Variants in MLLT10 observed in about 807,000 individuals in gnomAD.
MLLT10 encodes protein AF-10.
Under a neutral mutation model 129.1 loss-of-function variants are expected in MLLT10, and 30 were observed. The observed-to-expected ratio is 0.23, with a 90% CI of 0.17 to 0.32. The LOEUF (loss-of-function observed/expected upper bound fraction) is 0.32, where lower values mean the gene tolerates loss of function less well. MLLT10 is among the 10% of genes least tolerant of loss of function. MLLT10 has a pLI of 1.00. For missense variants in MLLT10, 1,119 were observed against 1,268.3 expected (o/e 0.88, Z 1.79); for synonymous variants, 490 against 446.4 (o/e 1.10, Z -1.23).
At chr10:21,568,599 C>CT (rs1416731466) in intron 3 of MLLT10, among the ~76,000 whole-genome samples, 184 of 151,410 alleles carry the variant, frequency 1.2e-3, no homozygotes, top group Admixed American at 1.8e-3. Flanking sequence ...ATATTTTTGT[C>CT]TTTTTTTTTA....
intron 5 of MLLT10, among the ~76,000 whole-genome samples, chr10:21,600,830 C>G (rs556165249): frequency 1.3e-5 from 2 of 152,172 alleles, no homozygotes; most frequent in South Asian, 4.2e-4. Flanking sequence ...TCTCTCCAGC[C>G]CCCCTCTCCC....
At chr10:21,562,238 C>T (rs541756440) in intron 3 of MLLT10, among the ~76,000 whole-genome samples, 2 of 151,856 alleles carry the variant, frequency 1.3e-5, no homozygotes, top group East Asian at 1.9e-4. Flanking sequence ...AGTTTTAGAA[C>T]GTATTTTTTT....
chr10:21,579,373 C>G (rs1217362776), intron 3 of MLLT10, among the ~76,000 whole-genome samples: 2 of 151,956 alleles, frequency 1.3e-5, no homozygotes, highest in African/African-American at 4.8e-5. Context: ...TGTCTTTTTT[C>G]AAATTGAAGA....
intron 15 of MLLT10, 107 bp downstream of exon 15, chr10:21,726,462 G>C (rs941025144): frequency 2.8e-6 from 2 of 708,838 alleles, no homozygotes; most frequent in African/African-American, 1.8e-5. Context: ...GTGGTTAGTA[G>C]AGGATTTGTA....
At chr10:21,553,764 C>T (rs958178766) in intron 3 of MLLT10, among the ~76,000 whole-genome samples, 1 of 151,942 alleles carries the variant, frequency 6.6e-6, no homozygotes, top group African/African-American at 2.4e-5. Context: ...ATTCTCTTGC[C>T]TCAGCCTCCC....
chr10:21,534,926 G>C (rs1383471738), intron 2 of MLLT10, 122 bp downstream of exon 2: 33 of 609,818 alleles, frequency 5.4e-5, no homozygotes, highest in Non-Finnish European at 6.4e-5. Flanking sequence ...GGACGCGGAG[G>C]GTCCGCGGCG....
At chr10:21,621,135 C>T (rs111429049) in intron 8 of MLLT10, among the ~76,000 whole-genome samples, 1,585 of 151,590 alleles carry the variant, frequency 0.01, 21 homozygotes, top group African/African-American at 0.032. Flanking sequence ...AGGCGCCCGC[C>T]ACCACGCCCG....
chr10:21,735,814 G>C (rs1287513236), intron 21 of MLLT10, among the ~76,000 whole-genome samples: 2 of 152,172 alleles, frequency 1.3e-5, no homozygotes, highest in Non-Finnish European at 2.9e-5. Flanking sequence ...GAGGGTGGGA[G>C]AGGTCAGAGC....
At chr10:21,716,017 C>T (rs748871586) in intron 14 of MLLT10, among the ~76,000 whole-genome samples, 1 of 152,196 alleles carries the variant, frequency 6.6e-6, no homozygotes. Flanking sequence ...CATCAGTCTC[C>T]AGGCAACTGA....
At chr10:21,689,677 C>A (rs1281313820) in intron 13 of MLLT10, among the ~76,000 whole-genome samples, 1 of 133,348 alleles carries the variant, frequency 7.5e-6, no homozygotes, top group Non-Finnish European at 1.6e-5. Context: ...TTTTTCTTGG[C>A]ATGTTTTACC....
At chr10:21,622,111 G>T (rs1278527773) in intron 8 of MLLT10, among the ~76,000 whole-genome samples, 1 of 150,592 alleles carries the variant, frequency 6.6e-6, no homozygotes, top group Non-Finnish European at 1.5e-5. Context: ...ATATGGCTTC[G>T]AATAAGGGAT....
chr10:21,586,169 T>G (rs1469137510), intron 3 of MLLT10, 125 bp from the exon 4 acceptor site: 3 of 740,110 alleles, frequency 4.1e-6, no homozygotes, highest in Non-Finnish European at 7.0e-6. Flanking sequence ...TTCTGAAATA[T>G]TCTTGGGGGG....
At chr10:21,570,237 C>T (rs531697458) in intron 3 of MLLT10, among the ~76,000 whole-genome samples, 22 of 132,520 alleles carry the variant, frequency 1.7e-4, no homozygotes, top group South Asian at 2.3e-4. Context: ...TGTGTGTGTG[C>T]GCGCGTGTGT....
upstream of MLLT10, among the ~76,000 whole-genome samples, chr10:21,533,962 C>G (rs1564351131): frequency 6.6e-6 from 1 of 152,078 alleles, no homozygotes; most frequent in South Asian, 2.1e-4. Flanking sequence ...CTTCCCGACG[C>G]TCACACGCGG....
At chr10:21,612,510 C>A in intron 6 of MLLT10, 59 bp downstream of exon 6, 1 of 1,064,454 alleles carries the variant, frequency 9.4e-7, no homozygotes, top group Non-Finnish European at 1.4e-6. Flanking sequence ...GTGTAACAAT[C>A]ATAAGTTAAA....
At chr10:21,694,212 AT>A (rs2131446748) in intron 13 of MLLT10, among the ~76,000 whole-genome samples, 1 of 152,342 alleles carries the variant, frequency 6.6e-6, no homozygotes, top group African/African-American at 2.4e-5. Context: ...CAGTATAGCT[AT>A]TAAGAACAGA....
intron 13 of MLLT10, among the ~76,000 whole-genome samples, chr10:21,697,689 G>C (rs978124516): frequency 2.0e-5 from 3 of 152,176 alleles, no homozygotes; most frequent in African/African-American, 7.2e-5. Flanking sequence ...TGAGATTGCT[G>C]AGAGTCTCAG....
chr10:21,677,163 C>G (rs868105769), intron 11 of MLLT10, among the ~76,000 whole-genome samples: 15 of 152,292 alleles, frequency 9.8e-5, no homozygotes, highest in Non-Finnish European at 8.8e-5. Context: ...TGATGAGGGT[C>G]TAACACCACA....
In MLLT10 at chr10:21,545,601, T is replaced by C. The variant is rs1243687538; in HGVS notation, c.240+6689T>C. ...AAGGGAAGTTCTTTGTAGATAGACA[T>C]TGATTGTTTAGAAAAAGCACCGTGT... On this transcript the variant is annotated intron_variant, in intron 3 of 22. Coordinates refer to ENST00000307729, the MANE Select transcript of MLLT10 (RefSeq NM_001195626.3). 2.6e-5 allele frequency among the ~76,000 whole-genome samples: 4 copies of C among 152,278 alleles called. No individual in the cohort carries two copies. In the East Asian group the frequency reaches 5.8e-4, roughly 22 times the overall value.
Sources: gnomAD v4.1 joint callset for allele counts (sites outside exome capture counted in the v4.1 genomes callset) on GRCh38, gnomAD v4.1.1 for gene constraint, MANE v1.5 for transcripts, NCBI Gene and HGNC (gene_info 2026-07-23, HGNC 2026-07-21) for gene names.